Variants in CBFB observed in about 807,000 individuals in gnomAD.
CBFB encodes core-binding factor subunit beta.
In CBFB, 9 loss-of-function variants were observed where a neutral mutation model predicts 30.4. That is an observed-to-expected ratio of 0.30 (90% CI 0.18 to 0.52). CBFB has a LOEUF of 0.52. Among genes scored for constraint, CBFB ranks in the 20% least tolerant of loss-of-function variants. CBFB has a pLI of 0.97. For synonymous variants in CBFB, 94 were observed against 84.0 expected (o/e 1.12, Z -0.65); for missense variants, 170 against 244.0 (o/e 0.70, Z 2.02).
chr16:67,095,565 T>C (rs1962023343), intron 5 of CBFB, among the ~76,000 whole-genome samples: 1 of 151,998 alleles, frequency 6.6e-6, no homozygotes, highest in Admixed American at 6.6e-5. Flanking sequence ...GGAAAACTGT[T>C]GCTACTTGGG....
intron 3 of CBFB, among the ~76,000 whole-genome samples, chr16:67,049,460 C>T (rs1966699783): frequency 6.7e-6 from 1 of 150,000 alleles, no homozygotes; most frequent in Admixed American, 6.6e-5. Flanking sequence ...CCTTGGCCTC[C>T]CAAAGTGCTG....
At chr16:67,075,208 T>TAC (rs1202531982) in intron 4 of CBFB, among the ~76,000 whole-genome samples, 7 of 135,044 alleles carry the variant, frequency 5.2e-5, no homozygotes, top group South Asian at 2.3e-4. Flanking sequence ...TGTGTGTGTG[T>TAC]GTGTGTGTGT....
intron 4 of CBFB, among the ~76,000 whole-genome samples, chr16:67,080,378 C>G (rs1961522149): frequency 6.6e-6 from 1 of 151,490 alleles, no homozygotes; most frequent in African/African-American, 2.4e-5. Flanking sequence ...CTGAAGATTC[C>G]AAAAATATAT....
Position 67,066,302 on chromosome 16 carries a change from CT to C in CBFB, c.283-376del, listed in dbSNP as rs1961051032. On this transcript the variant is annotated intron_variant, in intron 3 of 5. Coordinates refer to ENST00000412916, the MANE Select transcript of CBFB (RefSeq NM_022845.3). ...GTAGCTCACGCCTGTAATCCTAGCA[CT>C]TTTGGAGGCAAAGGCTGGCAGATTG... Among the ~76,000 whole-genome samples the C allele has an allele frequency of 2.0e-5, 3 of 150,494 alleles. 1 individual carries two copies. In the South Asian group the frequency reaches 6.3e-4, roughly 32 times the overall value.
rs553897846 is a variant in CBFB, at chr16:67,059,334, G to C, written c.283-7348G>C. On this transcript the variant is annotated intron_variant, in intron 3 of 5. Transcript: ENST00000412916. ...AAGTTTGGTTCATTTGCTAAAAGAAGAACATTTACCATCTCAGGCCCTGTA... is the reference window on the plus strand; with the variant it reads ...AAGTTTGGTTCATTTGCTAAAAGAACAACATTTACCATCTCAGGCCCTGTA... Among the ~76,000 whole-genome samples the C allele has an allele frequency of 1.4e-4, 21 of 152,282 alleles. No homozygotes were observed. The South Asian group carries it at 4.4e-3, about 32-fold the overall frequency.
At chr16:67,031,813 T>C (rs1966355630) in intron 2 of CBFB, among the ~76,000 whole-genome samples, 1 of 151,888 alleles carries the variant, frequency 6.6e-6, no homozygotes, top group Non-Finnish European at 1.5e-5. Flanking sequence ...GCGTCTGGTC[T>C]TGTTTCGTTT....
chr16:67,069,953 C>T (rs1276646093), intron 4 of CBFB, among the ~76,000 whole-genome samples: 2 of 152,146 alleles, frequency 1.3e-5, no homozygotes, highest in Admixed American at 6.5e-5. Context: ...CGCACCACTG[C>T]ACTCAAGCCT....
intron 2 of CBFB, among the ~76,000 whole-genome samples, chr16:67,034,418 C>T (rs1966408314): frequency 6.6e-6 from 1 of 152,154 alleles, no homozygotes; most frequent in East Asian, 1.9e-4. Context: ...TTATTTTCGT[C>T]TTTATTTTCC....
In CBFB at chr16:67,029,995, C is replaced by G. The variant is rs1966306970; in HGVS notation, c.165+182C>G. 1.5e-5 allele frequency: 7 copies of G among 473,626 alleles called. 1 individual carries two copies. In the South Asian group the frequency reaches 2.4e-4, roughly 17 times the overall value. The allele number at this position is 473,626 out of a possible 1,614,324, so 29.3% of individuals were successfully genotyped here. A position where few individuals can be genotyped will look rare whatever the true frequency, so the allele number is the denominator to read the frequency against. The stretch of plus-strand genomic sequence containing the variant: ...CCGCGGGCCGGTACTCGCGGGGAGA[C>G]GCTTTTCCTGGGGCTCGCCGCGGTG... On this transcript the variant is annotated intron_variant, in intron 2 of 5. Transcript: ENST00000412916.
chr16:67,047,574 A>G (rs2145726467), intron 3 of CBFB, among the ~76,000 whole-genome samples: 1 of 152,366 alleles, frequency 6.6e-6, no homozygotes, highest in Non-Finnish European at 1.5e-5. Flanking sequence ...ATCTGCCCAT[A>G]TCATAGATGT....
chr16:67,092,767 C>T (rs1961934321), intron 5 of CBFB, among the ~76,000 whole-genome samples: 1 of 120,482 alleles, frequency 8.3e-6, no homozygotes, highest in South Asian at 2.8e-4. Flanking sequence ...GGCTGGAGTG[C>T]AGTGGCCAGA....
At chr16:67,029,684 G>T (rs758359130) in intron 1 of CBFB, 43 bp from the exon 2 acceptor site, 42 of 1,521,096 alleles carry the variant, frequency 2.8e-5, no homozygotes, top group African/African-American at 7.2e-5. Context: ...CGCGGGCGGC[G>T]CCGCGGATTT....
intron 4 of CBFB, among the ~76,000 whole-genome samples, chr16:67,068,985 C>T (rs547987497): frequency 4.6e-5 from 7 of 152,148 alleles, no homozygotes; most frequent in South Asian, 2.1e-4. Flanking sequence ...GAGGCCAAGG[C>T]GGGCGGATCA....
intron 5 of CBFB, among the ~76,000 whole-genome samples, chr16:67,083,028 A>T (rs184620128): frequency 5.3e-5 from 8 of 152,282 alleles, no homozygotes; most frequent in African/African-American, 1.9e-4. Context: ...AAAGTAAGAA[A>T]ATTAGCTGGG....
chr16:67,048,221 G>A (rs1371183737), intron 3 of CBFB, among the ~76,000 whole-genome samples: 1 of 152,042 alleles, frequency 6.6e-6, no homozygotes, highest in African/African-American at 2.4e-5. Context: ...CAGCCTGGGT[G>A]ACAGAGCAAG....
In CBFB at chr16:67,100,911, A is replaced by G; in HGVS notation, c.*2133A>G. On this transcript the variant is annotated 3_prime_UTR_variant, in exon 6 of 6. Coordinates refer to ENST00000412916, the MANE Select transcript of CBFB (RefSeq NM_022845.3). ...TGATATTTTTTCATAATCTATATTT[A>G]AACAAAATTACATCATTGCATCATC... is the stretch of plus-strand genomic sequence containing the variant. 5.1e-6 allele frequency: 1 copy of G among 195,298 alleles called. No individual in the cohort carries two copies. Among genetic ancestry groups the G allele is most frequent in the Non-Finnish European group, 1.1e-5 (1 of 93,698 alleles). The allele number at this position is 195,298 out of a possible 1,614,324, so 12.1% of individuals were successfully genotyped here. A position where few individuals can be genotyped will look rare whatever the true frequency, so the allele number is the denominator to read the frequency against.
At chr16:67,085,172 GTC>G (rs919075160) in intron 5 of CBFB, among the ~76,000 whole-genome samples, 4 of 151,622 alleles carry the variant, frequency 2.6e-5, no homozygotes, top group Non-Finnish European at 5.9e-5. Flanking sequence ...CTCTGTGTGT[GTC>G]TCTGTGTGTG....
chr16:67,084,727 ATG>A (rs1961670609), intron 5 of CBFB, among the ~76,000 whole-genome samples: 1 of 152,186 alleles, frequency 6.6e-6, no homozygotes, highest in Admixed American at 6.5e-5. Context: ...ACAAAATTAT[ATG>A]TACACTATTG....
chr16:67,093,562 AC>A (rs1456514107), intron 5 of CBFB: 3 of 151,754 alleles, frequency 2.0e-5, no homozygotes, highest in African/African-American at 4.8e-5. Context: ...CCTCCTAGCA[AC>A]TCTATTTGCC....
Sources: allele counts gnomAD v4.1 joint callset (sites outside exome capture counted in the v4.1 genomes callset), GRCh38; gene constraint gnomAD v4.1.1; transcripts MANE v1.5; gene names NCBI Gene and HGNC (gene_info 2026-07-23, HGNC 2026-07-21).